The following MAF variants were observed in gnomAD, a reference collection of about 807,000 sequenced individuals.
MAF encodes the protein MAF bZIP transcription factor, also known as transcription factor Maf.
MAF carries 10 observed loss-of-function variants against 22.0 expected under a neutral mutation model. The ratio of observed to expected loss-of-function variants is 0.45; its 90% CI spans 0.28 to 0.77. MAF has a LOEUF of 0.77. Among genes scored for constraint, MAF ranks in the 30% least tolerant of loss-of-function variants. The pLI is 0.12. For missense variants in MAF, 544 were observed against 548.4 expected, an observed-to-expected ratio of 0.99 and a Z score of 0.08; for synonymous variants, 337 against 255.8, an observed-to-expected ratio of 1.32 and a Z score of -3.03.
chr16:79,484,820 T>A, the MAF span, among the ~76,000 whole-genome samples: 2 of 152,182 alleles, frequency 1.3e-5, no homozygotes, highest in Non-Finnish European at 2.9e-5. Flanking sequence ...TGTGCATGTG[T>A]GTGAATGCAT....
the MAF span, among the ~76,000 whole-genome samples, chr16:79,403,800 A>T: frequency 6.6e-6 from 1 of 152,208 alleles, no homozygotes; most frequent in African/African-American, 2.4e-5. Flanking sequence ...TGGCTCAACA[A>T]CCAAAGGTCA....
the MAF span, among the ~76,000 whole-genome samples, chr16:79,349,675 G>T: frequency 6.6e-6 from 1 of 152,124 alleles, no homozygotes; most frequent in Non-Finnish European, 1.5e-5. Context: ...CTGGGACTAG[G>T]GGGGCATTTC....
the MAF span, among the ~76,000 whole-genome samples, chr16:79,566,386 G>C: frequency 6.6e-5 from 10 of 152,286 alleles, no homozygotes; most frequent in African/African-American, 2.4e-4. Context: ...GCAGGGAGTG[G>C]GGACTGTACT....
In MAF at chr16:79,599,271, C is replaced by G; in HGVS notation, c.632G>C (p.Gly211Ala). The G allele has an allele frequency of 2.0e-6, 2 of 978,640 alleles. No individual in the cohort carries two copies. Among genetic ancestry groups the G allele is most frequent in the Non-Finnish European group, 2.4e-6 (2 of 827,432 alleles). 60.6% of individuals were successfully genotyped at this position (978,640 alleles called of 1,614,324 possible). ...GAAGSAAASAGGAGGAGGGGP... is the reference protein window; with the variant it reads ...GAAGSAAASAAGAGGAGGGGP... ...ACCGCCGCCCGCGCCCCCAGCGCCA[C>G]CGGCCGAGGCGGCCGCGCTGCCCGC... is the stretch of plus-strand genomic sequence containing the variant. The change falls in exon 1 of 2, where the codon GGT becomes GCT. Residue 211 changes from glycine (G) to alanine (A), a missense_variant. This residue lies in a region of MAF where 342 missense variants were observed against 315.5 expected (regional missense o/e 1.08). Coordinates refer to ENST00000326043, the MANE Select transcript of MAF (RefSeq NM_005360.5).
chr16:79,491,044 A>C, the MAF span, among the ~76,000 whole-genome samples: 1 of 152,180 alleles, frequency 6.6e-6, no homozygotes, highest in Non-Finnish European at 1.5e-5. Context: ...AAATGGAAAC[A>C]AGTCACAGAT....
At chr16:79,570,839 A>G in the MAF span, among the ~76,000 whole-genome samples, 1 of 152,232 alleles carries the variant, frequency 6.6e-6, no homozygotes, top group Non-Finnish European at 1.5e-5. Context: ...TTTACTGGGA[A>G]TATGTTCTGT....
At chr16:79,575,822 G>A in the MAF span, among the ~76,000 whole-genome samples, 1 of 152,100 alleles carries the variant, frequency 6.6e-6, no homozygotes, top group African/African-American at 2.4e-5. Flanking sequence ...TATATCCAAA[G>A]AATCCCTGGC....
chr16:79,400,735 T>C, the MAF span, among the ~76,000 whole-genome samples: 6 of 152,238 alleles, frequency 3.9e-5, no homozygotes, highest in Admixed American at 2.0e-4. Context: ...AGAGACCCTA[T>C]ACCCGGAGGC....
At chr16:79,408,600 A>T in the MAF span, among the ~76,000 whole-genome samples, 6 of 40,020 alleles carry the variant, frequency 1.5e-4, no homozygotes, top group East Asian at 4.4e-3. Context: ...TCCTTCCTTC[A>T]TTCTTGCCTT....
the MAF span, among the ~76,000 whole-genome samples, chr16:79,442,384 A>G: frequency 2.6e-5 from 4 of 151,830 alleles, no homozygotes; most frequent in Admixed American, 2.0e-4. Context: ...TATTTATTTT[A>G]TTTTAGAAAC....
the MAF span, among the ~76,000 whole-genome samples, chr16:79,231,380 A>G: frequency 6.6e-6 from 1 of 152,084 alleles, no homozygotes; most frequent in African/African-American, 2.4e-5. Context: ...TCAGATATAA[A>G]CCTGAAAGAA....
In MAF at chr16:79,594,284, T is replaced by C. The variant is rs2287974; in HGVS notation, c.*176A>G. The C allele has an allele frequency of 0.36, 234,970 of 649,808 alleles. 43,906 individuals are homozygous for C. The highest frequency in any genetic ancestry group is 0.43 in the East Asian group (15,427 of 35,466). The allele number at this position is 649,808 out of a possible 1,614,324, so 40.3% of individuals were successfully genotyped here. On this transcript the variant is annotated 3_prime_UTR_variant, in exon 2 of 2. Coordinates refer to ENST00000326043, the MANE Select transcript of MAF (RefSeq NM_005360.5). ...GAGTGCGCTTTCCTACCGGTCTCTATGAAACCCCCAGACAAGAGGCATAGT... is the reference window on the plus strand; with the variant it reads ...GAGTGCGCTTTCCTACCGGTCTCTACGAAACCCCCAGACAAGAGGCATAGT...
At chr16:79,233,046 T>A in the MAF span, among the ~76,000 whole-genome samples, 4 of 151,792 alleles carry the variant, frequency 2.6e-5, 1 homozygote, top group Non-Finnish European at 5.9e-5. Context: ...GTCACCGTGT[T>A]AGCCAGGATG....
chr16:79,573,890 T>A, the MAF span, among the ~76,000 whole-genome samples: 4 of 152,208 alleles, frequency 2.6e-5, no homozygotes, highest in African/African-American at 9.6e-5. Context: ...TTTTGACAGA[T>A]TGCAAAGATG....
At chr16:79,430,440 C>G in the MAF span, among the ~76,000 whole-genome samples, 3 of 152,246 alleles carry the variant, frequency 2.0e-5, no homozygotes, top group Admixed American at 6.5e-5. Context: ...AAAAGACACA[C>G]TCCCTGATTT....
chr16:79,496,386 GGCATTGACTAGCAAAATCA>G, the MAF span, among the ~76,000 whole-genome samples: 1 of 152,148 alleles, frequency 6.6e-6, no homozygotes, highest in African/African-American at 2.4e-5. Context: ...GAGGTTTTCT[GGCATTGACTAGCAAAATCA>G]GCAGGCTTAG....
At chr16:79,265,075 G>A in the MAF span, among the ~76,000 whole-genome samples, 20 of 152,010 alleles carry the variant, frequency 1.3e-4, no homozygotes, top group African/African-American at 3.6e-4. Context: ...TTAACTCTAC[G>A]AATTTCCTCA....
At chr16:79,598,582 G>GTA in intron 1 of MAF, 1 of 510,480 alleles carries the variant, frequency 2.0e-6, no homozygotes, top group Non-Finnish European at 2.6e-6. Flanking sequence ...AGGGTGTGGG[G>GTA]TGTGTGTGTG....
the MAF span, among the ~76,000 whole-genome samples, chr16:79,363,365 G>C: frequency 6.6e-6 from 1 of 152,188 alleles, no homozygotes; most frequent in Non-Finnish European, 1.5e-5. Context: ...TAACTTAGCA[G>C]ACATCATAGC....
Sources: gnomAD v4.1 joint callset for allele counts (sites outside exome capture counted in the v4.1 genomes callset) on GRCh38, gnomAD v4.1.1 for gene constraint, gnomAD v4.1.1 regional missense constraint, MANE v1.5 for transcripts, NCBI Gene and HGNC (gene_info 2026-07-23, HGNC 2026-07-21) for gene names.